Variants in DPYD observed in about 807,000 individuals in gnomAD.
The protein encoded by DPYD is dihydropyrimidine dehydrogenase, also known as dihydropyrimidine dehydrogenase [NADP(+)].
A neutral mutation model predicts 116.2 loss-of-function variants in DPYD; 109 were observed. The ratio of observed to expected loss-of-function variants is 0.94; its 90% CI spans 0.80 to 1.10. The LOEUF is 1.10. Among genes scored for constraint, DPYD ranks in the 50% least tolerant of loss-of-function variants. DPYD has a pLI of 0.00. For synonymous variants in DPYD, 440 were observed against 432.0 expected, an observed-to-expected ratio of 1.02 and a Z score of -0.23; for missense variants, 1,302 against 1,254.5, an observed-to-expected ratio of 1.04 and a Z score of -0.57.
At chr1:97,538,017 AGATCGTGC>A (rs1345063038) in intron 12 of DPYD, among the ~76,000 whole-genome samples, 1 of 151,830 alleles carries the variant, frequency 6.6e-6, no homozygotes, top group African/African-American at 2.4e-5. Flanking sequence ...CAGTGAGCCA[AGATCGTGC>A]CATTGCACTC....
intron 16 of DPYD, among the ~76,000 whole-genome samples, chr1:97,316,765 C>T (rs962283391): frequency 2.0e-5 from 3 of 151,680 alleles, no homozygotes; most frequent in Non-Finnish European, 4.4e-5. Context: ...GGATTGGATC[C>T]CTCTGAGCCT....
intron 3 of DPYD, among the ~76,000 whole-genome samples, chr1:97,777,418 G>A (rs559809346): frequency 6.6e-6 from 1 of 152,260 alleles, no homozygotes; most frequent in South Asian, 2.1e-4. Flanking sequence ...TCTACTGTAT[G>A]TTGCTTACTT....
At chr1:97,463,260 T>C (rs1457823899) in intron 13 of DPYD, among the ~76,000 whole-genome samples, 3 of 152,188 alleles carry the variant, frequency 2.0e-5, no homozygotes, top group Admixed American at 6.5e-5. Flanking sequence ...GATGTTCTCA[T>C]GATAGTGAAT....
rs140874219 is a variant in DPYD, at chr1:97,276,946, G to A, written c.2299+28313C>T. On this transcript the variant is annotated intron_variant, in intron 18 of 22. Coordinates refer to ENST00000370192, the MANE Select transcript of DPYD (RefSeq NM_000110.4). ...GCACTATTCACCATAGCAAAGACAC[G>A]GAAACAACCCAGGTGCCCATCAATG... 1.8e-4 allele frequency among the ~76,000 whole-genome samples: 27 copies of A among 152,174 alleles called. 1 individual carries two copies. In the East Asian group the frequency reaches 2.5e-3, roughly 14 times the overall value.
chr1:97,574,084 CT>C, intron 10 of DPYD, 114 bp from the exon 11 acceptor site: 1 of 1,503,832 alleles, frequency 6.6e-7, no homozygotes, highest in South Asian at 1.3e-5. Flanking sequence ...CAATATGCAG[CT>C]TTTTCTTTCA....
At chr1:97,773,335 T>A (rs1014338420) in intron 3 of DPYD, among the ~76,000 whole-genome samples, 4 of 152,130 alleles carry the variant, frequency 2.6e-5, no homozygotes, top group African/African-American at 9.7e-5. Flanking sequence ...CCACAAGACA[T>A]ATTAGGATAT....
intron 1 of DPYD, among the ~76,000 whole-genome samples, chr1:97,911,076 A>T (rs1673909157): frequency 1.3e-5 from 2 of 152,092 alleles, no homozygotes; most frequent in African/African-American, 4.8e-5. Flanking sequence ...GTTTATTTAA[A>T]AAATAATTTT....
At chr1:97,445,919 G>T (rs963542905) in intron 14 of DPYD, among the ~76,000 whole-genome samples, 4 of 151,896 alleles carry the variant, frequency 2.6e-5, no homozygotes, top group Admixed American at 6.6e-5. Flanking sequence ...TAGAGACGGG[G>T]TTTCACCATG....
intron 8 of DPYD, among the ~76,000 whole-genome samples, chr1:97,611,955 G>A (rs571114955): frequency 3.3e-5 from 5 of 152,120 alleles, no homozygotes; most frequent in East Asian, 1.9e-4. Flanking sequence ...CAAGGACTGC[G>A]TTAGGAAATA....
At chr1:97,885,945 T>C (rs539694080) in intron 1 of DPYD, among the ~76,000 whole-genome samples, 3 of 98,888 alleles carry the variant, frequency 3.0e-5, no homozygotes, top group African/African-American at 6.4e-5. Flanking sequence ...CCAGTAAACA[T>C]GACCATTAAG....
Position 97,306,161 on chromosome 1 carries a change from C to T in DPYD, c.2179+16G>A, listed in dbSNP as rs1667148535. The T allele has an allele frequency of 6.2e-7, 1 of 1,611,892 alleles. No homozygotes were observed. Among genetic ancestry groups the T allele is most frequent in the Non-Finnish European group, 8.5e-7 (1 of 1,178,550 alleles). ...TATTTACAATAGCGGGCAACTGATT[C>T]AAGTCAAGTTCTTACCTTCCTTTGC... On this transcript the variant is annotated intron_variant, in intron 17 of 22. Coordinates refer to ENST00000370192, the MANE Select transcript of DPYD (RefSeq NM_000110.4).
At chr1:97,776,187 T>C (rs949508328) in intron 3 of DPYD, among the ~76,000 whole-genome samples, 3 of 152,190 alleles carry the variant, frequency 2.0e-5, no homozygotes, top group Non-Finnish European at 1.5e-5. Flanking sequence ...TCACCACTGA[T>C]TGTATTTTTC....
intron 21 of DPYD, among the ~76,000 whole-genome samples, chr1:97,087,347 T>C (rs989405210): frequency 1.3e-5 from 2 of 152,212 alleles, no homozygotes; most frequent in Admixed American, 6.5e-5. Context: ...TACTGTACAG[T>C]AAGAAAAGGA....
At chr1:97,717,475 A>G (rs1662677605) in intron 5 of DPYD, among the ~76,000 whole-genome samples, 1 of 152,054 alleles carries the variant, frequency 6.6e-6, no homozygotes, top group Non-Finnish European at 1.5e-5. Flanking sequence ...TTTGGGGAAC[A>G]GGTGACTTTT....
chr1:97,273,625 G>T (rs1664740487), intron 18 of DPYD, among the ~76,000 whole-genome samples: 2 of 152,110 alleles, frequency 1.3e-5, no homozygotes, highest in African/African-American at 2.4e-5. Flanking sequence ...TAGGAATATA[G>T]ACATTGTCAA....
At chr1:97,651,883 G>T (rs1226916247) in intron 8 of DPYD, among the ~76,000 whole-genome samples, 1 of 152,002 alleles carries the variant, frequency 6.6e-6, no homozygotes, top group East Asian at 1.9e-4. Context: ...AAGATTCAGA[G>T]ATATATTTTT....
intron 10 of DPYD, among the ~76,000 whole-genome samples, chr1:97,589,790 ATT>A (rs1025851100): frequency 2.0e-5 from 3 of 152,104 alleles, no homozygotes; most frequent in African/African-American, 7.2e-5. Context: ...AAACCATGCT[ATT>A]TCCAAATTAC....
intron 16 of DPYD, among the ~76,000 whole-genome samples, chr1:97,353,559 A>G (rs1345042171): frequency 6.6e-6 from 1 of 152,112 alleles, no homozygotes; most frequent in Non-Finnish European, 1.5e-5. Flanking sequence ...AACAACCACC[A>G]AAAGATGGAT....
At chr1:97,229,972 C>G (rs958139230) in intron 19 of DPYD, among the ~76,000 whole-genome samples, 1 of 152,036 alleles carries the variant, frequency 6.6e-6, no homozygotes, top group African/African-American at 2.4e-5. Context: ...AACAAAAAAC[C>G]CATAACCAAG....
Sources: allele counts gnomAD v4.1 joint callset (sites outside exome capture counted in the v4.1 genomes callset), GRCh38; gene constraint gnomAD v4.1.1; transcripts MANE v1.5; gene names NCBI Gene and HGNC (gene_info 2026-07-23, HGNC 2026-07-21).